FRMD4B: variants seen among roughly 807,000 people sequenced by gnomAD.
FRMD4B encodes FERM domain containing 4B, also known as FERM domain-containing protein 4B.
Under a neutral mutation model 141.5 loss-of-function variants are expected in FRMD4B, and 74 were observed. That is an observed-to-expected ratio of 0.52 (90% CI 0.43 to 0.63). FRMD4B has a LOEUF of 0.63. Among genes scored for constraint, FRMD4B ranks in the 30% least tolerant of loss-of-function variants. The probability of loss-of-function intolerance (pLI) is 0.00; values close to 1 mark genes in which losing one functional copy is unlikely to be tolerated. For missense variants in FRMD4B, 1,366 were observed against 1,253.4 expected, an observed-to-expected ratio of 1.09 and a Z score of -1.36; for synonymous variants, 506 against 467.9, an observed-to-expected ratio of 1.08 and a Z score of -1.05.
rs143744380 is a variant in FRMD4B at position 69,233,146 on chromosome 3, T to C, written c.582-8456A>G. The stretch of plus-strand genomic sequence containing the variant: ...ATGTATATTAAATATAATATCCAAA[T>C]GGAAACAGCTACAGAAGCTTCACTT... On this transcript the variant is annotated intron_variant, in intron 7 of 22. Transcript: ENST00000398540. 1.2e-3 allele frequency among the ~76,000 whole-genome samples: 183 copies of C among 152,058 alleles called. 1 individual carries two copies. Among genetic ancestry groups the C allele is most frequent in the African/African-American group, 4.2e-3 (175 of 41,536 alleles).
chr3:69,459,446 A>G (rs1373531638), intron 1 of FRMD4B, among the ~76,000 whole-genome samples: 1 of 152,206 alleles, frequency 6.6e-6, no homozygotes, highest in East Asian at 1.9e-4. Context: ...ATATATGTAC[A>G]CCTTAATCCT....
intron 1 of FRMD4B, among the ~76,000 whole-genome samples, chr3:69,520,837 C>A (rs1204314295): frequency 6.6e-6 from 1 of 151,958 alleles, no homozygotes; most frequent in African/African-American, 2.4e-5. Context: ...CAATAATGAC[C>A]AAAGGGAAGG....
chr3:69,406,915 T>TA (rs1704659643), intron 2 of FRMD4B, among the ~76,000 whole-genome samples: 1 of 150,040 alleles, frequency 6.7e-6, no homozygotes, highest in African/African-American at 2.4e-5. Context: ...ATTTTAATTT[T>TA]TTTTTTTTTT....
intron 11 of FRMD4B, among the ~76,000 whole-genome samples, chr3:69,209,334 G>C (rs1559718841): frequency 6.6e-6 from 1 of 152,016 alleles, no homozygotes; most frequent in Admixed American, 6.6e-5. Flanking sequence ...CATGTTTTAC[G>C]AGAACTGCTT....
chr3:69,469,780 G>T (rs1406218248), intron 1 of FRMD4B, among the ~76,000 whole-genome samples: 1 of 152,192 alleles, frequency 6.6e-6, no homozygotes, highest in Non-Finnish European at 1.5e-5. Flanking sequence ...TGTTGATAAA[G>T]GTTTTATATA....
At chr3:69,203,320 C>CAAAAAAAAAAAAAAAAA (rs796607832) in intron 11 of FRMD4B, among the ~76,000 whole-genome samples, 2 of 107,896 alleles carry the variant, frequency 1.9e-5, no homozygotes, top group African/African-American at 7.5e-5. Context: ...CAAACTTCAG[C>CAAAAAAAAAAAAAAAAA]AAAAAAAAAA....
intron 3 of FRMD4B, among the ~76,000 whole-genome samples, chr3:69,309,742 C>T (rs1044023940): frequency 8.6e-5 from 13 of 151,700 alleles, no homozygotes; most frequent in Non-Finnish European, 1.6e-4. Flanking sequence ...CTATCACACC[C>T]GGCCAATATT....
rs2093247574 is a variant in FRMD4B, at chr3:69,225,725, AAAAG to A, written c.582-1039_582-1036del. Reference sequence around the variant, plus strand: ...AAAAAAAAAAAAAAAAAAAAAAAAAAAAAGAGGGAGAACACGTAATACTACCCAG... The same window carrying A: ...AAAAAAAAAAAAAAAAAAAAAAAAAAAGGGAGAACACGTAATACTACCCAG... On this transcript the variant is annotated intron_variant, in intron 7 of 22. Coordinates refer to ENST00000398540, the MANE Select transcript of FRMD4B (RefSeq NM_015123.3). Among the ~76,000 whole-genome samples, 5 of 82,962 alleles carry A rather than the reference AAAAG, an allele frequency of 6.0e-5. 2 individuals carry two copies. Among genetic ancestry groups the A allele is most frequent in the African/African-American group, 8.7e-5 (2 of 22,934 alleles). The allele number at this position is 82,962 out of a possible 152,430, so 54.4% of individuals were successfully genotyped here.
intron 1 of FRMD4B, among the ~76,000 whole-genome samples, chr3:69,531,767 T>C (rs952068424): frequency 1.3e-5 from 2 of 152,230 alleles, no homozygotes; most frequent in African/African-American, 4.8e-5. Flanking sequence ...TTTCCAAGTG[T>C]AATCAAGCTC....
chr3:69,172,381 C>CT (rs1219165980), intron 22 of FRMD4B, among the ~76,000 whole-genome samples: 1 of 152,032 alleles, frequency 6.6e-6, no homozygotes, highest in Non-Finnish European at 1.5e-5. Flanking sequence ...ATTTAGTAGT[C>CT]TTTTCCAACA....
intron 2 of FRMD4B, among the ~76,000 whole-genome samples, chr3:69,393,395 C>T (rs1704420229): frequency 6.7e-6 from 1 of 149,670 alleles, no homozygotes; most frequent in Non-Finnish European, 1.5e-5. Context: ...ACTAGTTAAT[C>T]AACTGAGCAG....
intron 2 of FRMD4B, among the ~76,000 whole-genome samples, chr3:69,414,821 C>T (rs1407544472): frequency 1.3e-5 from 2 of 148,278 alleles, no homozygotes; most frequent in African/African-American, 5.0e-5. Flanking sequence ...CTAACCTTGG[C>T]TTCTATTGTA....
chr3:69,302,106 A>C (rs1328356287), intron 4 of FRMD4B, among the ~76,000 whole-genome samples: 1 of 152,216 alleles, frequency 6.6e-6, no homozygotes, highest in African/African-American at 2.4e-5. Flanking sequence ...GGAATAAAGG[A>C]AGGCAACTCT....
At chr3:69,346,930 G>A (rs1313712351) in intron 1 of FRMD4B, among the ~76,000 whole-genome samples, 1 of 152,078 alleles carries the variant, frequency 6.6e-6, no homozygotes, top group East Asian at 1.9e-4. Flanking sequence ...CAACTAACGA[G>A]CAAAATAACC....
At chr3:69,180,806 T>G (rs1331249554) in intron 21 of FRMD4B, 93 bp downstream of exon 21, 14 of 828,144 alleles carry the variant, frequency 1.7e-5, no homozygotes, top group Non-Finnish European at 2.5e-5. Flanking sequence ...TGACCCTGAG[T>G]ACTGGTCTCA....
chr3:69,345,125 G>C (rs1342827780), intron 1 of FRMD4B, among the ~76,000 whole-genome samples: 1 of 152,136 alleles, frequency 6.6e-6, no homozygotes, highest in Admixed American at 6.5e-5. Flanking sequence ...GGAAAATCAG[G>C]TCACTCCCAC....
chr3:69,173,792 C>A (rs181354443), intron 22 of FRMD4B, among the ~76,000 whole-genome samples: 2 of 152,086 alleles, frequency 1.3e-5, no homozygotes, highest in African/African-American at 4.8e-5. Context: ...TGGAATATAT[C>A]CTAGGAAAAT....
At chr3:69,250,621 C>T (rs73838322) in intron 5 of FRMD4B, among the ~76,000 whole-genome samples, 2,572 of 151,792 alleles carry the variant, frequency 0.017, 76 homozygotes, top group African/African-American at 0.058. Flanking sequence ...TGTACTATTA[C>T]AGATAAAATG....
chr3:69,221,818 G>C, intron 9 of FRMD4B, 40 bp downstream of exon 9: 1 of 968,702 alleles, frequency 1.0e-6, no homozygotes, highest in South Asian at 1.4e-5. Context: ...TCAGATGAGA[G>C]ATATTAAAAT....
Sources: allele counts gnomAD v4.1 joint callset (sites outside exome capture counted in the v4.1 genomes callset), GRCh38; gene constraint gnomAD v4.1.1; transcripts MANE v1.5; gene names NCBI Gene and HGNC (gene_info 2026-07-23, HGNC 2026-07-21).